Variants in OAS3 observed in about 807,000 individuals in gnomAD.
The protein encoded by OAS3 is 2'-5'-oligoadenylate synthase 3.
In OAS3, 107 loss-of-function variants were observed where a neutral mutation model predicts 113.0. That is an observed-to-expected ratio of 0.95 (90% confidence interval 0.81 to 1.11). The LOEUF (loss-of-function observed/expected upper bound fraction) is 1.11. Ranked by LOEUF, OAS3 falls within the 50% of genes most tolerant of loss-of-function variation. OAS3 has a pLI of 0.00. For synonymous variants in OAS3, 552 were observed against 573.6 expected (o/e 0.96, Z 0.54); for missense variants, 1,258 against 1,389.1 (o/e 0.91, Z 1.50).
rs766200139 is a variant in OAS3 at position 112,969,965 on chromosome 12, G to C, written c.3256G>C (p.Ala1086Pro). 1.9e-5 allele frequency: 30 copies of C among 1,607,790 alleles called. No homozygotes were observed. Among genetic ancestry groups the C allele is most frequent in the Non-Finnish European group, 2.5e-5 (30 of 1,177,052 alleles). The change falls in exon 16 of 16, where the codon GCT (alanine) becomes CCT (proline). Residue 1086 changes from alanine to proline, a missense_variant. By Grantham distance (27) the Ala-to-Pro change is conservative. Transcript: ENST00000228928. ...IPIQPWPVKA[A>P]V ...ATCTCTTATAATACTTCCCCAGGCT[G>C]CTGTGTGAAGTTGAGAAAATCAGCG...
At chr12:112,961,614 C>T (rs1459413087) in intron 8 of OAS3, among the ~76,000 whole-genome samples, 6 of 152,136 alleles carry the variant, frequency 3.9e-5, no homozygotes. Context: ...TTTCTGGAAG[C>T]CTAGAGCTGG....
At position 112,968,188 on chromosome 12, in the gene OAS3, C is replaced by T. The variant is rs748435867; in HGVS notation, c.3104+14C>T. On this transcript the variant is annotated intron_variant, in intron 14 of 15. Coordinates refer to ENST00000228928, the MANE Select transcript of OAS3 (RefSeq NM_006187.4). ...TCAGAAGCCCAGGTTCAGGTCTACC[C>T]CCAATGTTCCAGAATTTCAAACCTG... 6.2e-7 allele frequency: 1 copy of T among 1,601,084 alleles called. No homozygotes were observed. The highest frequency in any genetic ancestry group is 8.5e-7 in the Non-Finnish European group (1 of 1,171,710).
At chr12:112,938,852 C>T in intron 1 of OAS3, 145 bp downstream of exon 1, 1 of 705,476 alleles carries the variant, frequency 1.4e-6, no homozygotes, top group Non-Finnish European at 2.2e-6. Flanking sequence ...ATGTGCCAGC[C>T]CCGTGCTAAC....
In OAS3 at chr12:112,970,759, A is replaced by G. The variant is rs149699147; in HGVS notation, c.*786A>G. 1.3e-5 allele frequency: 2 copies of G among 152,390 alleles called. No homozygotes were observed. The highest frequency in any genetic ancestry group is 2.1e-4 in the South Asian group (1 of 4,830). The allele number at this position is 152,390 out of a possible 1,614,324, so 9.4% of individuals were successfully genotyped here. A position where few individuals can be genotyped will look rare whatever the true frequency, so the allele number is the denominator to read the frequency against. ...ACAGACAGAGGGAGTTGGGACATGC[A>G]TGCTATGGGGACCCTCTTGTTGGAC... On this transcript the variant is annotated 3_prime_UTR_variant, in exon 16 of 16. Coordinates refer to ENST00000228928, the MANE Select transcript of OAS3 (RefSeq NM_006187.4).
In OAS3 at chr12:112,946,243, C is replaced by T. The variant is rs376463384; in HGVS notation, c.637-500C>T. Among the ~76,000 whole-genome samples, 7 of 152,010 alleles carry T rather than the reference C, an allele frequency of 4.6e-5. No homozygotes were observed. The East Asian group carries it at 7.7e-4, about 17-fold the overall frequency. ...CTTGCCTTGGCATGGAGTAATCCCTCCCTGGTACGTGGAGATCCCAAGTAT... is the reference window on the plus strand; with the variant it reads ...CTTGCCTTGGCATGGAGTAATCCCTTCCTGGTACGTGGAGATCCCAAGTAT... On this transcript the variant is annotated intron_variant, in intron 3 of 15. Transcript: ENST00000228928.
intron 7 of OAS3, among the ~76,000 whole-genome samples, chr12:112,958,574 T>A (rs1482827294): frequency 1.3e-5 from 2 of 152,270 alleles, no homozygotes; most frequent in Non-Finnish European, 2.9e-5. Context: ...GTCAGGACCC[T>A]CAGCTGCAGG....
chr12:112,950,462 T>C lies in OAS3; in HGVS notation c.1375-231T>C, dbSNP rs1214404538. ...TCTGTTGCTGCAGTTTGGTCTGACT[T>C]AGCTCAGTCTTCATGGATCAGAGGG... On this transcript the variant is annotated intron_variant, in intron 6 of 15. Transcript: ENST00000228928. The C allele has an allele frequency of 5.2e-6, 3 of 575,902 alleles. No homozygotes were observed. In the East Asian group the frequency reaches 8.7e-5, roughly 17 times the overall value. 35.7% of individuals were successfully genotyped at this position (575,902 alleles called of 1,614,324 possible). A position where few individuals can be genotyped will look rare whatever the true frequency, so the allele number is the denominator to read the frequency against.
Position 112,938,702 on chromosome 12 carries a change from G to A in OAS3, c.172G>A (p.Val58Ile). The change falls in exon 1 of 16, where the codon GTC (valine) becomes ATC (isoleucine). Residue 58 changes from valine (V) to isoleucine (I), a missense_variant. Coordinates refer to ENST00000228928, the MANE Select transcript of OAS3 (RefSeq NM_006187.4). ...TGCTGCCCCGCGGGTGCTGAAAACT[G>A]TCAAGGTGAGGTCCCACCTCGGGGT... ...GAAAPRVLKT[V>I]KGGSSGRGTA... is the part of the protein sequence containing the mutation. The A allele has an allele frequency of 6.4e-7, 1 of 1,555,194 alleles. No homozygotes were observed. The highest frequency in any genetic ancestry group is 8.7e-7 in the Non-Finnish European group (1 of 1,152,492).
At position 112,962,613 on chromosome 12, in the gene OAS3, C is replaced by CACTA; in HGVS notation, c.1834-37_1834-34dup. 1.9e-6 allele frequency: 3 copies of CACTA among 1,603,300 alleles called. No individual in the cohort carries two copies. In the South Asian group the frequency reaches 3.3e-5, roughly 18 times the overall value. On this transcript the variant is annotated intron_variant, in intron 8 of 15. Coordinates refer to ENST00000228928, the MANE Select transcript of OAS3 (RefSeq NM_006187.4). ...CTTATGGCCACACTCAGCTCACATC[C>CACTA]ACTAATCACTCATCTTTGGTTGGCC...
intron 8 of OAS3, 62 bp downstream of exon 8, chr12:112,961,308 C>T: frequency 2.0e-6 from 3 of 1,487,004 alleles, no homozygotes; most frequent in East Asian, 4.6e-5. Flanking sequence ...CCCAGCCAAT[C>T]AGTTCCTCCT....
At chr12:112,959,886 G>A (rs4766678) in intron 7 of OAS3, among the ~76,000 whole-genome samples, 39,897 of 151,868 alleles carry the variant, frequency 0.26, 6,569 homozygotes, top group East Asian at 0.74. Flanking sequence ...CATAGGCTTC[G>A]ATTCTTTCAC....
At chr12:112,962,510 C>G (rs541601484) in intron 8 of OAS3, 142 bp from the exon 9 acceptor site, 7 of 1,004,734 alleles carry the variant, frequency 7.0e-6, no homozygotes, top group Non-Finnish European at 1.0e-5. Context: ...AGTTTACCCA[C>G]CTGTAAAATG....
Position 112,946,835 on chromosome 12 carries a change from G to T in OAS3, c.729G>T (p.Lys243Asn), listed in dbSNP as rs1185950288. The T allele has an allele frequency of 6.2e-7, 1 of 1,613,932 alleles. No homozygotes were observed. Among genetic ancestry groups the T allele is most frequent in the Non-Finnish European group, 8.5e-7 (1 of 1,179,860 alleles). Residue 243 changes from lysine to asparagine, a missense_variant, in exon 4 of 16, where the codon AAG becomes AAT. Transcript: ENST00000228928. Reference sequence around the variant, plus strand: ...TCGCCTGGGAGCAGGGCTGTAAGAAGGATGCTTTCAGCCTAGCCGAAGGCC... The same window carrying T: ...TCGCCTGGGAGCAGGGCTGTAAGAATGATGCTTTCAGCCTAGCCGAAGGCC... ...TIFAWEQGCK[K>N]DAFSLAEGLR...
intron 8 of OAS3, among the ~76,000 whole-genome samples, chr12:112,962,140 G>A (rs977611192): frequency 1.3e-5 from 2 of 152,082 alleles, no homozygotes; most frequent in African/African-American, 2.4e-5. Context: ...AACATCCTTC[G>A]GAGCTCCCTT....
rs1181175900 is a variant in OAS3 at position 112,963,819 on chromosome 12, C to A, written c.2229+362C>A. On this transcript the variant is annotated intron_variant, in intron 10 of 15. Transcript: ENST00000228928. The surrounding 1 kb of genome is among the most constrained non-coding windows in gnomAD (Gnocchi z 4.6). The stretch of plus-strand genomic sequence containing the variant: ...CTGCTGTCCTTGTTCCACTTCTCCT[C>A]CAAGCACTGCCCCAATTAATCATAT... 1.3e-5 allele frequency among the ~76,000 whole-genome samples: 2 copies of A among 152,228 alleles called. No homozygotes were observed. Among genetic ancestry groups the A allele is most frequent in the African/African-American group, 2.4e-5 (1 of 41,462 alleles).
At chr12:112,955,769 C>T (rs1474461019) in intron 7 of OAS3, among the ~76,000 whole-genome samples, 2 of 151,988 alleles carry the variant, frequency 1.3e-5, no homozygotes, top group Non-Finnish European at 2.9e-5. Context: ...TGAGGATTTT[C>T]GCATAGATGT....
chr12:112,950,709 G>A lies in OAS3; in HGVS notation c.1391G>A (p.Arg464Gln), dbSNP rs371605991. 6.6e-5 allele frequency: 106 copies of A among 1,613,794 alleles called. No homozygotes were observed. The African/African-American group carries it at 1.1e-3, about 17-fold the overall frequency. The change falls in exon 7 of 16, where the codon CGG becomes CAG. Residue 464 changes from arginine to glutamine, a missense_variant. Transcript: ENST00000228928. Reference protein sequence around the residue: ...SRVSKGGSFGRGTDLRDGCDV... With the variant: ...SRVSKGGSFGQGTDLRDGCDV... ...CCTCCACAGGGGGGCTCATTTGGCC[G>A]GGGCACAGACCTAAGGGATGGCTGT...
Position 112,957,449 on chromosome 12 carries a change from G to A in OAS3, c.1658-3622G>A, listed in dbSNP as rs557592238. Reference sequence around the variant, plus strand: ...CTAGCATCGATGGTCTTTACAATTAGGCATGTTTTTGCAGTGGCTGGTACC... The same window carrying A: ...CTAGCATCGATGGTCTTTACAATTAAGCATGTTTTTGCAGTGGCTGGTACC... On this transcript the variant is annotated intron_variant, in intron 7 of 15. Coordinates refer to ENST00000228928, the MANE Select transcript of OAS3 (RefSeq NM_006187.4). 6.6e-5 allele frequency among the ~76,000 whole-genome samples: 10 copies of A among 152,312 alleles called. 1 individual carries two copies. The East Asian group carries it at 1.9e-3, about 29-fold the overall frequency.
chr12:112,961,689 A>G (rs545686144), intron 8 of OAS3, among the ~76,000 whole-genome samples: 2 of 152,240 alleles, frequency 1.3e-5, no homozygotes, highest in African/African-American at 4.8e-5. Context: ...AACAGAAAAG[A>G]TCTGAACAGA....
Sources: allele counts gnomAD v4.1 joint callset (sites outside exome capture counted in the v4.1 genomes callset), GRCh38; gene constraint gnomAD v4.1.1; non-coding constraint Gnocchi (gnomAD v3.1); transcripts MANE v1.5; gene names NCBI Gene and HGNC (gene_info 2026-07-23, HGNC 2026-07-21).